IL1RAPL1: variants seen among roughly 807,000 people sequenced by gnomAD.
IL1RAPL1 encodes the protein interleukin-1 receptor accessory protein-like 1.
Under a neutral mutation model 48.4 loss-of-function variants are expected in IL1RAPL1, and 3 were observed. The ratio of observed to expected loss-of-function variants is 0.06; its 90% CI spans 0.03 to 0.16. IL1RAPL1 has a LOEUF of 0.16. Ranked by LOEUF, IL1RAPL1 falls within the 10% of genes least tolerant of loss-of-function variation. IL1RAPL1 has a pLI of 1.00. For synonymous variants in IL1RAPL1, 185 were observed against 187.7 expected (o/e 0.99, Z 0.12); for missense variants, 349 against 530.6 (o/e 0.66, Z 3.36).
At chrX:29,855,809 T>C (rs1931466948) in intron 6 of IL1RAPL1, among the ~76,000 whole-genome samples, 1 of 110,655 alleles carries the variant, frequency 9.0e-6, no homozygotes, top group Non-Finnish European at 1.9e-5. Context: ...CTTGTGAATT[T>C]GTTGTGGAGG....
intron 2 of IL1RAPL1, among the ~76,000 whole-genome samples, chrX:29,116,402 A>G (rs1020491521): frequency 5.4e-5 from 6 of 111,556 alleles, no homozygotes; most frequent in African/African-American, 1.3e-4. Flanking sequence ...AGGGGTGGTA[A>G]AGGAGAAAAG....
At position 29,705,860 on chromosome X, in the gene IL1RAPL1, C is replaced by T. The variant is rs141026539; in HGVS notation, c.778+37356C>T. ...AAGAATTTCTTTGGGTTCTTGTTAA[C>T]GAATAAACAAGTTAATGTATTTTTT... On this transcript the variant is annotated intron_variant, in intron 6 of 10. Transcript: ENST00000378993. Among the ~76,000 whole-genome samples the T allele has an allele frequency of 5.3e-3, 599 of 112,452 alleles. 4 individuals carry two copies. Among genetic ancestry groups the T allele is most frequent in the Non-Finnish European group, 6.9e-3 (369 of 53,260 alleles).
intron 2 of IL1RAPL1, among the ~76,000 whole-genome samples, chrX:28,880,676 TA>T (rs1161066530): frequency 8.9e-6 from 1 of 111,967 alleles, no homozygotes; most frequent in Non-Finnish European, 1.9e-5. Context: ...TTTACTAATA[TA>T]GGGGAAAATA....
chrX:29,245,837 T>C (rs943594798), intron 2 of IL1RAPL1, among the ~76,000 whole-genome samples: 3 of 111,470 alleles, frequency 2.7e-5, no homozygotes, highest in Middle Eastern at 4.6e-3. Context: ...GTTTTAATCA[T>C]GAAGTCTTTG....
intron 6 of IL1RAPL1, among the ~76,000 whole-genome samples, chrX:29,906,462 TATATATATATATA>T (rs1193943839): frequency 0.011 from 7 of 624 alleles, no homozygotes; most frequent in Non-Finnish European, 0.015. Flanking sequence ...ACTTTGTAAA[TATATATATATATA>T]TATATATATA....
intron 2 of IL1RAPL1, among the ~76,000 whole-genome samples, chrX:28,872,547 C>T (rs1240723654): frequency 8.9e-6 from 1 of 111,879 alleles, no homozygotes; most frequent in Non-Finnish European, 1.9e-5. Flanking sequence ...AGGAGTTAGC[C>T]CTTCTCCATA....
chrX:29,579,344 T>A (rs1037014684), intron 5 of IL1RAPL1, among the ~76,000 whole-genome samples: 1 of 111,643 alleles, frequency 9.0e-6, no homozygotes, highest in Admixed American at 9.5e-5. Flanking sequence ...CATATAAAAG[T>A]CATATTATAG....
intron 5 of IL1RAPL1, among the ~76,000 whole-genome samples, chrX:29,410,800 T>A (rs1396965501): frequency 8.9e-6 from 1 of 112,438 alleles, no homozygotes; most frequent in Non-Finnish European, 1.9e-5. Flanking sequence ...AAATCATAAT[T>A]TTATGAATAT....
intron 2 of IL1RAPL1, among the ~76,000 whole-genome samples, chrX:29,082,567 A>G (rs1927866171): frequency 8.9e-6 from 1 of 112,172 alleles, no homozygotes; most frequent in African/African-American, 3.2e-5. Context: ...TTGAAACCAA[A>G]TCATTATCTA....
rs183132537 is a variant in IL1RAPL1 at position 29,706,408 on chromosome X, T to C, written c.778+37904T>C. 3.6e-5 allele frequency among the ~76,000 whole-genome samples: 4 copies of C among 111,927 alleles called. No individual in the cohort carries two copies. In the East Asian group the frequency reaches 1.1e-3, roughly 31 times the overall value. On this transcript the variant is annotated intron_variant, in intron 6 of 10. Coordinates refer to ENST00000378993, the MANE Select transcript of IL1RAPL1 (RefSeq NM_014271.4). ...CTCATCTGAGACAAGGCAAGTCTCT[T>C]CCACCTATGAGCCTGTAAAATCAAA...
intron 9 of IL1RAPL1, among the ~76,000 whole-genome samples, chrX:29,950,784 C>T (rs982079784): frequency 3.7e-5 from 4 of 108,590 alleles, no homozygotes; most frequent in Admixed American, 3.0e-4. Flanking sequence ...TCACGCCATT[C>T]TCCTGCCTCA....
rs547186942 is a variant in IL1RAPL1 at position 29,006,647 on chromosome X, A to ATGTGTGTGTGTG, written c.82+217258_82+217269dup. ...CCCACATTTGTGTGTGTTTATATAT[A>ATGTGTGTGTGTG]TGTGTGTGTGTGTGTGTGTGTGTGT... is the stretch of plus-strand genomic sequence containing the variant. On this transcript the variant is annotated intron_variant, in intron 2 of 10. Transcript: ENST00000378993. 4.2e-3 allele frequency among the ~76,000 whole-genome samples: 324 copies of ATGTGTGTGTGTG among 76,922 alleles called. 2 individuals are homozygous for ATGTGTGTGTGTG. The highest frequency in any genetic ancestry group is 4.9e-3 in the Non-Finnish European group (199 of 40,899). 66.8% of individuals were successfully genotyped at this position (76,922 alleles called of 115,157 possible).
chrX:29,777,526 T>C (rs1490012959), intron 6 of IL1RAPL1, among the ~76,000 whole-genome samples: 1 of 111,998 alleles, frequency 8.9e-6, no homozygotes, highest in African/African-American at 3.2e-5. Flanking sequence ...ACATGTCTAA[T>C]TGGACAATTC....
intron 5 of IL1RAPL1, among the ~76,000 whole-genome samples, chrX:29,450,988 TAAG>T (rs1934672156): frequency 9.1e-6 from 1 of 110,111 alleles, no homozygotes; most frequent in Admixed American, 9.8e-5. Flanking sequence ...GCATTTATCT[TAAG>T]GAGCCACAGT....
chrX:29,884,531 T>G (rs1442310988), intron 6 of IL1RAPL1, among the ~76,000 whole-genome samples: 1 of 111,221 alleles, frequency 9.0e-6, no homozygotes, highest in Non-Finnish European at 1.9e-5. Context: ...CCCCAGGGCT[T>G]AATCCTTGGT....
chrX:28,933,945 A>G (rs759644311), intron 2 of IL1RAPL1, among the ~76,000 whole-genome samples: 2 of 111,690 alleles, frequency 1.8e-5, no homozygotes, highest in African/African-American at 6.5e-5. Context: ...AATGCATAAT[A>G]ATTAGCATAT....
At chrX:28,945,667 G>A (rs980838428) in intron 2 of IL1RAPL1, among the ~76,000 whole-genome samples, 1 of 110,386 alleles carries the variant, frequency 9.1e-6, no homozygotes, top group African/African-American at 3.3e-5. Context: ...TTAAAACCTA[G>A]TTGATGGCTT....
chrX:29,832,059 G>C (rs979470680), intron 6 of IL1RAPL1, among the ~76,000 whole-genome samples: 1 of 111,524 alleles, frequency 9.0e-6, no homozygotes, highest in East Asian at 2.8e-4. Flanking sequence ...TCACAACTAA[G>C]TTTGTATGTG....
At chrX:29,286,116 T>C (rs1387196322) in intron 3 of IL1RAPL1, among the ~76,000 whole-genome samples, 4 of 111,799 alleles carry the variant, frequency 3.6e-5, no homozygotes, top group Admixed American at 2.9e-4. Flanking sequence ...CTTAAATATA[T>C]GCAATTAAAT....
Sources: gnomAD v4.1 joint callset for allele counts (sites outside exome capture counted in the v4.1 genomes callset) on GRCh38, gnomAD v4.1.1 for gene constraint, MANE v1.5 for transcripts, NCBI Gene and HGNC (gene_info 2026-07-23, HGNC 2026-07-21) for gene names.